The following APOO variants were observed in gnomAD, a reference collection of about 807,000 sequenced individuals.
APOO encodes the protein apolipoprotein O, also known as MICOS complex subunit MIC26.
APOO carries 11 observed loss-of-function variants against 23.1 expected under a neutral mutation model. That is an observed-to-expected ratio of 0.48 (90% confidence interval 0.30 to 0.79). APOO has a LOEUF of 0.79. APOO is among the 30% of genes least tolerant of loss of function. APOO has a pLI of 0.07. For synonymous variants in APOO, 59 were observed against 54.8 expected, an observed-to-expected ratio of 1.08 and a Z score of -0.34; for missense variants, 160 against 142.7, an observed-to-expected ratio of 1.12 and a Z score of -0.62.
chrX:23,875,079 G>A (rs61258165), intron 3 of APOO, among the ~76,000 whole-genome samples: 3,223 of 110,536 alleles, frequency 0.029, 119 homozygotes, highest in African/African-American at 0.098. Context: ...GTGAAACCCT[G>A]TCTCTACTAA....
chrX:23,844,676 G>A (rs1165434223), intron 7 of APOO, among the ~76,000 whole-genome samples: 1 of 111,812 alleles, frequency 8.9e-6, no homozygotes, highest in African/African-American at 3.2e-5. Flanking sequence ...CCTCTAGAAA[G>A]GAACGCAACC....
chrX:23,887,273 C>T (rs1235379235), intron 1 of APOO, among the ~76,000 whole-genome samples: 5 of 73,128 alleles, frequency 6.8e-5, no homozygotes, highest in African/African-American at 5.6e-5. Flanking sequence ...CTCCCTCTGT[C>T]GCCAGGCTGG....
chrX:23,867,149 T>G (rs537499482), intron 5 of APOO, among the ~76,000 whole-genome samples: 80 of 109,560 alleles, frequency 7.3e-4, no homozygotes, highest in South Asian at 1.2e-3. Flanking sequence ...GAAACGAAAC[T>G]AAACTAAACT....
intron 7 of APOO, among the ~76,000 whole-genome samples, chrX:23,841,437 T>C (rs746838720): frequency 5.8e-5 from 6 of 102,827 alleles, no homozygotes; most frequent in African/African-American, 1.8e-4. Flanking sequence ...GGAGGATCCA[T>C]TGAGCCTGGG....
chrX:23,891,743 G>A (rs1926663124), intron 1 of APOO, among the ~76,000 whole-genome samples: 2 of 110,046 alleles, frequency 1.8e-5, no homozygotes, highest in South Asian at 7.5e-4. Flanking sequence ...TATTTTCCAT[G>A]TAAATAATTT....
At chrX:23,878,777 C>G (rs887727709) in intron 3 of APOO, 138 bp downstream of exon 3, 2 of 814,226 alleles carry the variant, frequency 2.5e-6, no homozygotes, top group Admixed American at 3.2e-5. Flanking sequence ...CCCCAGACCC[C>G]CACTACCCTT....
chrX:23,861,894 C>G (rs1166006875), intron 5 of APOO, among the ~76,000 whole-genome samples: 1 of 105,983 alleles, frequency 9.4e-6, no homozygotes, highest in African/African-American at 3.5e-5. Context: ...ACCTCTGCCT[C>G]CTGGGTTCAA....
intron 1 of APOO, among the ~76,000 whole-genome samples, chrX:23,891,648 A>ATGTT (rs1180066232): frequency 2.7e-5 from 3 of 111,614 alleles, no homozygotes; most frequent in Non-Finnish European, 5.6e-5. Context: ...CCTGAGGGAC[A>ATGTT]TGTTACCAGG....
chrX:23,876,045 C>T (rs766318696), intron 3 of APOO, among the ~76,000 whole-genome samples: 4 of 109,800 alleles, frequency 3.6e-5, no homozygotes, highest in South Asian at 7.8e-4. Context: ...AGGTGGATCA[C>T]GAAGTCAGGA....
chrX:23,869,910 C>T (rs999525549), intron 4 of APOO, among the ~76,000 whole-genome samples: 5 of 106,450 alleles, frequency 4.7e-5, no homozygotes, highest in African/African-American at 1.7e-4. Context: ...CAAGATCGCG[C>T]CACTGCACTC....
intron 8 of APOO, among the ~76,000 whole-genome samples, chrX:23,837,977 A>ATCTG (rs1469427622): frequency 3.8e-5 from 4 of 105,266 alleles, no homozygotes; most frequent in African/African-American, 1.4e-4. Context: ...CTATCTATCT[A>ATCTG]TCTATCTATC....
intron 4 of APOO, among the ~76,000 whole-genome samples, chrX:23,872,239 T>C (rs945982202): frequency 4.5e-5 from 5 of 110,906 alleles, no homozygotes; most frequent in South Asian, 3.7e-4. Flanking sequence ...ACCCTGCCTC[T>C]ACAAAAAGTG....
chrX:23,845,845 A>G (rs1924202289), intron 7 of APOO, among the ~76,000 whole-genome samples: 1 of 112,292 alleles, frequency 8.9e-6, no homozygotes, highest in Admixed American at 9.5e-5. Flanking sequence ...CACATTGGTA[A>G]CAGGTTTATG....
chrX:23,838,418 TTTTTG>T (rs1376844145), intron 8 of APOO, among the ~76,000 whole-genome samples: 1 of 105,724 alleles, frequency 9.5e-6, no homozygotes, highest in Admixed American at 1.0e-4. Context: ...AAGACAAGCT[TTTTTG>T]TTTTGTTTTT....
intron 7 of APOO, among the ~76,000 whole-genome samples, chrX:23,843,878 T>C (rs1380615501): frequency 8.9e-6 from 1 of 111,943 alleles, no homozygotes; most frequent in Non-Finnish European, 1.9e-5. Flanking sequence ...CCACCGTGCC[T>C]GGGCACAAAT....
intron 7 of APOO, among the ~76,000 whole-genome samples, chrX:23,847,204 C>T (rs1924283985): frequency 8.9e-6 from 1 of 111,762 alleles, no homozygotes; most frequent in Non-Finnish European, 1.9e-5. Context: ...GGACTCAGAG[C>T]CAACTTCCAC....
At chrX:23,871,496 T>TAA (rs753887252) in intron 4 of APOO, among the ~76,000 whole-genome samples, 4 of 111,172 alleles carry the variant, frequency 3.6e-5, no homozygotes, top group Admixed American at 9.7e-5. Context: ...TCCTCAAACA[T>TAA]CCAATACCAA....
At chrX:23,905,598 G>C (rs1431584685) in intron 1 of APOO, among the ~76,000 whole-genome samples, 3 of 110,717 alleles carry the variant, frequency 2.7e-5, no homozygotes, top group African/African-American at 9.9e-5. Flanking sequence ...GTCCCCAGGG[G>C]TTCCTTACCT....
chrX:23,895,162 C>T (rs1325953797), intron 1 of APOO, among the ~76,000 whole-genome samples: 2 of 110,364 alleles, frequency 1.8e-5, no homozygotes, highest in African/African-American at 3.3e-5. Context: ...GATTCATTAT[C>T]TCCACACACA....
Sources: gnomAD v4.1 joint callset for allele counts (sites outside exome capture counted in the v4.1 genomes callset) on GRCh38, gnomAD v4.1.1 for gene constraint, MANE v1.5 for transcripts, NCBI Gene and HGNC (gene_info 2026-07-23, HGNC 2026-07-21) for gene names.